ACKR2: variants seen among roughly 807,000 people sequenced by gnomAD.
ACKR2 encodes the protein C-C chemokine receptor D6.
For synonymous variants in ACKR2, 207 were observed against 192.2 expected (o/e 1.08, Z -0.64); for missense variants, 457 against 477.3 (o/e 0.96, Z 0.40).
At position 42,864,753 on chromosome 3, in the gene ACKR2, A is replaced by G. The variant is rs755325085; in HGVS notation, c.251A>G (p.Tyr84Cys). Residue 84 changes from tyrosine (Y) to cysteine (C), a missense_variant, in exon 3 of 3, where the codon TAT becomes TGT. Physicochemically the swap from Tyr to Cys is radical, Grantham distance 194 (BLOSUM62 -2). Coordinates refer to ENST00000422265, the MANE Select transcript of ACKR2 (RefSeq NM_001296.5). ...CCTCGCAGGCGGATGGTTGAGATCT[A>G]TCTGCTGAATCTGGCCATCTCCAAC... ...YVPRRRMVEI[Y>C]LLNLAISNLL... is the part of the protein sequence containing the mutation. 2.2e-5 allele frequency: 36 copies of G among 1,614,034 alleles called. No individual in the cohort carries two copies. The highest frequency in any genetic ancestry group is 4.4e-5 in the South Asian group (4 of 91,078).
At chr3:42,811,185 AT>A (rs35622058) in intron 1 of ACKR2, among the ~76,000 whole-genome samples, 39,123 of 152,094 alleles carry the variant, frequency 0.26, 6,143 homozygotes, top group East Asian at 0.71. Flanking sequence ...AGGCACATAC[AT>A]TTTCTGTAGG....
chr3:42,860,231 G>A (rs895857280), intron 2 of ACKR2, among the ~76,000 whole-genome samples: 2 of 106,952 alleles, frequency 1.9e-5, no homozygotes, highest in African/African-American at 7.0e-5. Flanking sequence ...CAGACTTTAA[G>A]CCAACAAAGA....
At chr3:42,856,725 T>C (rs1038733835) in intron 2 of ACKR2, among the ~76,000 whole-genome samples, 1 of 151,840 alleles carries the variant, frequency 6.6e-6, no homozygotes, top group African/African-American at 2.4e-5. Context: ...TCTCAGTTTG[T>C]GGCCCGTGAC....
intron 1 of ACKR2, among the ~76,000 whole-genome samples, chr3:42,811,192 G>T (rs1195273270): frequency 6.6e-6 from 1 of 152,112 alleles, no homozygotes; most frequent in Non-Finnish European, 1.5e-5. Context: ...TACATTTTCT[G>T]TAGGGAAAAG....
chr3:42,835,878 C>T (rs1375072600), intron 2 of ACKR2: 4 of 152,230 alleles, frequency 2.6e-5, no homozygotes, highest in Non-Finnish European at 5.9e-5. Context: ...GTTCCCAGGT[C>T]CCTCCTTCCT....
At chr3:42,844,517 A>G (rs1701072695) in intron 2 of ACKR2, among the ~76,000 whole-genome samples, 1 of 152,162 alleles carries the variant, frequency 6.6e-6, no homozygotes. Flanking sequence ...GGGGCAAGAC[A>G]GGCTTTGTTA....
At chr3:42,841,219 T>C (rs1398371309) in intron 2 of ACKR2, among the ~76,000 whole-genome samples, 1 of 152,256 alleles carries the variant, frequency 6.6e-6, no homozygotes, top group Non-Finnish European at 1.5e-5. Context: ...ATTAATGCCT[T>C]AAATACAAGA....
intron 2 of ACKR2, among the ~76,000 whole-genome samples, chr3:42,826,225 G>A (rs1056375862): frequency 6.6e-6 from 1 of 152,076 alleles, no homozygotes; most frequent in Non-Finnish European, 1.5e-5. Flanking sequence ...TTCTTTTCTT[G>A]TGATGTCTTT....
intron 2 of ACKR2, among the ~76,000 whole-genome samples, chr3:42,828,191 T>C (rs7610666): frequency 0.99 from 149,165 of 151,064 alleles, 73,671 homozygotes; most frequent in Middle Eastern, 1. Flanking sequence ...CTCACTGCAA[T>C]CTCTGCCTCC....
chr3:42,838,414 A>G (rs1162306547), intron 2 of ACKR2, among the ~76,000 whole-genome samples: 1 of 152,234 alleles, frequency 6.6e-6, no homozygotes, highest in Admixed American at 6.5e-5. Flanking sequence ...ATTGAAGAAG[A>G]TATAGGGATG....
intron 1 of ACKR2, among the ~76,000 whole-genome samples, chr3:42,818,629 T>C (rs1377327372): frequency 6.6e-6 from 1 of 152,206 alleles, no homozygotes; most frequent in Non-Finnish European, 1.5e-5. Context: ...TGGCGCGATC[T>C]CGGCTCACTG....
chr3:42,864,970 G>A lies in ACKR2; in HGVS notation c.468G>A (p.Arg156=), dbSNP rs1444143999. The change falls in exon 3 of 3, where the codon AGG becomes AGA. Residue 156 remains arginine, a synonymous_variant. Transcript: ENST00000422265. ...IVHAQPYHRL[R]TRAKSLLLAT... Reference sequence around the variant, plus strand: ...ATGCTCAGCCCTACCACAGGCTGAGGACCCGGGCCAAGAGCCTGCTCCTTG... The same window carrying A: ...ATGCTCAGCCCTACCACAGGCTGAGAACCCGGGCCAAGAGCCTGCTCCTTG... 6.2e-7 allele frequency: 1 copy of A among 1,614,156 alleles called. No homozygotes were observed. Among genetic ancestry groups the A allele is most frequent in the Non-Finnish European group, 8.5e-7 (1 of 1,180,044 alleles).
chr3:42,842,082 G>T (rs1398531493), intron 2 of ACKR2, among the ~76,000 whole-genome samples: 2 of 152,158 alleles, frequency 1.3e-5, no homozygotes, highest in South Asian at 4.1e-4. Flanking sequence ...TTTAGGTGTT[G>T]TCGGCCACAG....
At chr3:42,837,525 A>G (rs1221933552) in intron 2 of ACKR2, among the ~76,000 whole-genome samples, 1 of 152,136 alleles carries the variant, frequency 6.6e-6, no homozygotes, top group Non-Finnish European at 1.5e-5. Flanking sequence ...ACCAGCTGGG[A>G]GCCTGCAGTT....
At chr3:42,813,955 A>C (rs1350303452) in intron 1 of ACKR2, among the ~76,000 whole-genome samples, 1 of 152,194 alleles carries the variant, frequency 6.6e-6, no homozygotes, top group Non-Finnish European at 1.5e-5. Context: ...AGAAGTTCAC[A>C]CTTTACCCAA....
intron 2 of ACKR2, among the ~76,000 whole-genome samples, chr3:42,822,910 T>G (rs935718914): frequency 1.5e-4 from 23 of 152,200 alleles, no homozygotes; most frequent in African/African-American, 5.3e-4. Context: ...AGGATCTTTT[T>G]GCTGTATCCA....
intron 2 of ACKR2, chr3:42,835,585 A>T (rs1164782091): frequency 1.3e-5 from 2 of 152,190 alleles, no homozygotes; most frequent in Non-Finnish European, 2.9e-5. Context: ...TACCGTGAGC[A>T]GATTCTTGAA....
At position 42,865,825 on chromosome 3, in the gene ACKR2, T is replaced by G; in HGVS notation, c.*168T>G. ...CTCGCCCCGCCTTCTTCCTCCACTT[T>G]CTTCACTTGCTTCCAGGATACCACG... On this transcript the variant is annotated 3_prime_UTR_variant, in exon 3 of 3. Coordinates refer to ENST00000422265, the MANE Select transcript of ACKR2 (RefSeq NM_001296.5). 1 of 582,246 alleles carries G rather than the reference T, an allele frequency of 1.7e-6. No homozygotes were observed. The highest frequency in any genetic ancestry group is 1.9e-5 in the African/African-American group (1 of 53,444). 36.1% of individuals were successfully genotyped at this position (582,246 alleles called of 1,614,324 possible).
intron 2 of ACKR2, among the ~76,000 whole-genome samples, chr3:42,820,375 C>T (rs552682766): frequency 4.6e-5 from 7 of 152,002 alleles, no homozygotes; most frequent in South Asian, 4.2e-4. Flanking sequence ...GGATGGATCA[C>T]GAGGTCAGGA....
Sources: allele counts gnomAD v4.1 joint callset (sites outside exome capture counted in the v4.1 genomes callset), GRCh38; gene constraint gnomAD v4.1.1; transcripts MANE v1.5; gene names NCBI Gene and HGNC (gene_info 2026-07-23, HGNC 2026-07-21).